The following DLG2 variants were observed in gnomAD, a reference collection of about 807,000 sequenced individuals.
DLG2 encodes the protein disks large homolog 2.
Under a neutral mutation model 132.5 loss-of-function variants are expected in DLG2, and 45 were observed. The ratio of observed to expected loss-of-function variants is 0.34; its 90% CI spans 0.27 to 0.44. The LOEUF is 0.44. Among genes scored for constraint, DLG2 ranks in the 20% least tolerant of loss-of-function variants. DLG2 has a pLI of 1.00. For synonymous variants in DLG2, 424 were observed against 419.6 expected (o/e 1.01, Z -0.13); for missense variants, 1,045 against 1,196.9 (o/e 0.87, Z 1.87).
intron 7 of DLG2, among the ~76,000 whole-genome samples, chr11:84,385,235 A>G (rs537616939): frequency 2.5e-4 from 38 of 152,182 alleles, no homozygotes; most frequent in African/African-American, 9.1e-4. Flanking sequence ...TAATCTCTTT[A>G]AAGAGTTTTA....
chr11:85,608,982 C>A (rs2080793529), intron 2 of DLG2, among the ~76,000 whole-genome samples: 1 of 152,172 alleles, frequency 6.6e-6, no homozygotes, highest in Non-Finnish European at 1.5e-5. Context: ...AGGAAAGGGA[C>A]AAATTCCCTA....
chr11:83,625,333 C>T (rs1435545703), intron 19 of DLG2, among the ~76,000 whole-genome samples: 11 of 152,208 alleles, frequency 7.2e-5, no homozygotes, highest in Admixed American at 6.5e-4. Flanking sequence ...GCTTGTACCA[C>T]TGGAGTGAAG....
chr11:84,669,515 A>G (rs1042115527), intron 6 of DLG2, among the ~76,000 whole-genome samples: 1 of 152,154 alleles, frequency 6.6e-6, no homozygotes, highest in African/African-American at 2.4e-5. Context: ...TTACTAATGC[A>G]TTCATAAACT....
intron 8 of DLG2, among the ~76,000 whole-genome samples, chr11:84,205,350 G>A (rs1387175801): frequency 6.6e-6 from 1 of 151,922 alleles, no homozygotes; most frequent in Non-Finnish European, 1.5e-5. Flanking sequence ...TAAAAAGTAA[G>A]AATATAAAAG....
intron 11 of DLG2, among the ~76,000 whole-genome samples, chr11:84,004,595 G>A (rs753462220): frequency 1.3e-5 from 2 of 151,884 alleles, no homozygotes; most frequent in South Asian, 2.1e-4. Flanking sequence ...AAAGTTAGAG[G>A]ATACAAAATC....
intron 18 of DLG2, among the ~76,000 whole-genome samples, chr11:83,690,219 C>T (rs2080735980): frequency 6.6e-6 from 1 of 150,536 alleles, no homozygotes; most frequent in Admixed American, 6.6e-5. Flanking sequence ...TTGAAGAATA[C>T]CAAGATCTCC....
chr11:84,965,566 T>C (rs199781257), intron 6 of DLG2, among the ~76,000 whole-genome samples: 2 of 152,082 alleles, frequency 1.3e-5, no homozygotes, highest in African/African-American at 2.4e-5. Flanking sequence ...CTATTTTTAA[T>C]TTCTCCATTT....
At chr11:85,031,610 A>C (rs1030971693) in intron 6 of DLG2, among the ~76,000 whole-genome samples, 1 of 152,064 alleles carries the variant, frequency 6.6e-6, no homozygotes, top group Non-Finnish European at 1.5e-5. Flanking sequence ...TTTTTTAATA[A>C]TCATATTTAA....
At chr11:84,668,114 A>G (rs1189020725) in intron 6 of DLG2, among the ~76,000 whole-genome samples, 6 of 152,082 alleles carry the variant, frequency 3.9e-5, no homozygotes, top group Non-Finnish European at 8.8e-5. Context: ...AGTAACGCCC[A>G]TTTCGAATGA....
chr11:85,231,957 T>G (rs977655083), intron 4 of DLG2, among the ~76,000 whole-genome samples: 4 of 151,862 alleles, frequency 2.6e-5, no homozygotes, highest in Admixed American at 2.6e-4. Context: ...CATCTTATTG[T>G]TCAACAAGAC....
At chr11:83,514,506 T>C (rs1440012880) in intron 21 of DLG2, among the ~76,000 whole-genome samples, 2 of 152,194 alleles carry the variant, frequency 1.3e-5, no homozygotes, top group African/African-American at 4.8e-5. Context: ...CTTTTCCTAA[T>C]TGAATACCCT....
chr11:85,492,498 CCA>C (rs966833771), intron 3 of DLG2, among the ~76,000 whole-genome samples: 7 of 152,098 alleles, frequency 4.6e-5, no homozygotes, highest in African/African-American at 1.4e-4. Context: ...TAAGGTAACC[CCA>C]CTCATCTGTA....
At chr11:84,899,117 A>G (rs1487571879) in intron 6 of DLG2, among the ~76,000 whole-genome samples, 1 of 152,086 alleles carries the variant, frequency 6.6e-6, no homozygotes, top group Non-Finnish European at 1.5e-5. Flanking sequence ...TTCTATAAAG[A>G]GAATTAAATA....
chr11:85,465,671 T>C (rs1385083861), intron 3 of DLG2, among the ~76,000 whole-genome samples: 2 of 152,230 alleles, frequency 1.3e-5, no homozygotes, highest in Non-Finnish European at 1.5e-5. Context: ...TTCCATGGTG[T>C]ATGTGTGCCA....
In DLG2 at chr11:84,211,438, T is replaced by C. The variant is rs538410611; in HGVS notation, c.573+39800A>G. ...TTATTTATTTAAGAGAGAGATTGGG[T>C]CTTACTATGTTGCCCAGACTGGTCT... On this transcript the variant is annotated intron_variant, in intron 8 of 27. Coordinates refer to ENST00000376104, the MANE Select transcript of DLG2 (RefSeq NM_001142699.3). Among the ~76,000 whole-genome samples, 5 of 152,278 alleles carry C rather than the reference T, an allele frequency of 3.3e-5. No homozygotes were observed. In the South Asian group the frequency reaches 8.3e-4, roughly 25 times the overall value.
At chr11:85,069,594 C>G (rs1299888592) in intron 6 of DLG2, among the ~76,000 whole-genome samples, 1 of 152,096 alleles carries the variant, frequency 6.6e-6, no homozygotes, top group East Asian at 1.9e-4. Flanking sequence ...AAATCAAAAC[C>G]ACAATGAGAT....
intron 3 of DLG2, among the ~76,000 whole-genome samples, chr11:85,501,607 A>G (rs2093805732): frequency 1.3e-5 from 2 of 152,256 alleles, no homozygotes; most frequent in Admixed American, 1.3e-4. Context: ...AAATGGGCAA[A>G]GGATATGAAC....
At chr11:84,557,168 G>T (rs1323497658) in intron 6 of DLG2, among the ~76,000 whole-genome samples, 4 of 152,058 alleles carry the variant, frequency 2.6e-5, no homozygotes, top group African/African-American at 9.7e-5. Flanking sequence ...AAGGAATTTT[G>T]TAGTTGTGGT....
chr11:84,179,876 G>C (rs866826700), intron 8 of DLG2, among the ~76,000 whole-genome samples: 2 of 152,206 alleles, frequency 1.3e-5, no homozygotes, highest in African/African-American at 4.8e-5. Flanking sequence ...AATCCAGATA[G>C]ACAAACTCAC....
Sources: gnomAD v4.1 joint callset for allele counts (sites outside exome capture counted in the v4.1 genomes callset) on GRCh38, gnomAD v4.1.1 for gene constraint, MANE v1.5 for transcripts, NCBI Gene and HGNC (gene_info 2026-07-23, HGNC 2026-07-21) for gene names.